The following RETREG3 variants were observed in gnomAD, a reference collection of about 807,000 sequenced individuals.
RETREG3 encodes the protein reticulophagy regulator 3.
RETREG3 carries 23 observed loss-of-function variants against 50.2 expected under a neutral mutation model. The observed-to-expected ratio is 0.46, with a 90% CI of 0.33 to 0.65. The LOEUF (loss-of-function observed/expected upper bound fraction) is 0.65. RETREG3 is among the 30% of genes least tolerant of loss of function. The probability of loss-of-function intolerance (pLI) is 0.02; values close to 1 mark genes in which losing one functional copy is unlikely to be tolerated. For missense variants in RETREG3, 546 were observed against 598.0 expected (o/e 0.91, Z 0.91); for synonymous variants, 240 against 234.4 (o/e 1.02, Z -0.22).
chr17:42,599,006 ATAT>A (rs2093153431), intron 1 of RETREG3: 2 of 152,156 alleles, frequency 1.3e-5, no homozygotes, highest in South Asian at 4.1e-4. Flanking sequence ...GGAGAGCTTA[ATAT>A]CCTTTCCCTA....
intron 5 of RETREG3, among the ~76,000 whole-genome samples, chr17:42,585,685 G>A (rs1379858575): frequency 6.6e-6 from 1 of 152,180 alleles, no homozygotes; most frequent in Admixed American, 6.5e-5. Context: ...CTCCAAGTGG[G>A]AAAAAAGTAC....
At chr17:42,603,850 G>A (rs1393817443) in intron 1 of RETREG3, among the ~76,000 whole-genome samples, 1 of 152,092 alleles carries the variant, frequency 6.6e-6, no homozygotes, top group East Asian at 1.9e-4. Context: ...GGTGGCGGGC[G>A]CCTGTAGTCC....
At chr17:42,603,817 A>G (rs2093162685) in intron 1 of RETREG3, among the ~76,000 whole-genome samples, 1 of 152,184 alleles carries the variant, frequency 6.6e-6, no homozygotes, top group South Asian at 2.1e-4. Context: ...CTCTACTAAA[A>G]ATACAAAAAA....
intron 6 of RETREG3, 78 bp from the exon 7 acceptor site, chr17:42,583,658 C>CA: frequency 7.2e-7 from 1 of 1,384,892 alleles, no homozygotes; most frequent in Non-Finnish European, 1.0e-6. Context: ...GACATAAAAT[C>CA]AGAACACAAA....
rs765265165 is a variant in RETREG3, at chr17:42,582,271, C to G, written c.944-1G>C. On this transcript the variant is annotated splice_acceptor_variant, in intron 8 of 8. Coordinates refer to ENST00000309428, the MANE Select transcript of RETREG3 (RefSeq NM_178126.4). LOFTEE classifies it high-confidence loss of function. ...TCTGGATCACTGTGACCATCTAGGT[C>G]TGGTGGAATACAGAAGTGTCTGAGT... The G allele has an allele frequency of 6.2e-7, 1 of 1,600,572 alleles. No individual in the cohort carries two copies. The highest frequency in any genetic ancestry group is 1.1e-5 in the South Asian group (1 of 90,628).
rs148941750 is a variant in RETREG3, at chr17:42,598,849, T to C, written c.240-6687A>G. Reference sequence around the variant, plus strand: ...AGGTATGTTGAATTGAATTGAAGCATAGCTTATAAGAATGGAAGGTAAGGG... The same window carrying C: ...AGGTATGTTGAATTGAATTGAAGCACAGCTTATAAGAATGGAAGGTAAGGG... On this transcript the variant is annotated intron_variant, in intron 1 of 8. Transcript: ENST00000309428. The C allele has an allele frequency of 6.7e-4, 102 of 152,322 alleles. 2 individuals are homozygous for C. Among genetic ancestry groups the C allele is most frequent in the African/African-American group, 2.4e-3 (100 of 41,570 alleles). The allele number at this position is 152,322 out of a possible 1,614,324, so 9.4% of individuals were successfully genotyped here.
At chr17:42,607,846 T>C (rs2143439599) in intron 1 of RETREG3, among the ~76,000 whole-genome samples, 1 of 150,282 alleles carries the variant, frequency 6.7e-6, no homozygotes, top group Admixed American at 6.6e-5. Context: ...CAAAAATAAA[T>C]GAAGAACGTG....
intron 1 of RETREG3, among the ~76,000 whole-genome samples, chr17:42,596,359 C>CAAAAAAAAAAA (rs60457978): frequency 5.1e-4 from 33 of 64,712 alleles, no homozygotes; most frequent in African/African-American, 8.6e-4. Context: ...GACCCTTTCT[C>CAAAAAAAAAAA]AAAAAAAAAA....
intron 1 of RETREG3, among the ~76,000 whole-genome samples, chr17:42,597,368 T>C (rs566893363): frequency 4.0e-5 from 6 of 149,246 alleles, no homozygotes; most frequent in Admixed American, 6.7e-5. Context: ...TTTGTATTTT[T>C]AGTAGAGACG....
In RETREG3 at chr17:42,580,101, G is replaced by A. The variant is rs1349516948; in HGVS notation, c.*1712C>T. Reference sequence around the variant, plus strand: ...GAGGCTATAGACTGGCACAGGTTTAGAATCAAGTACCATGTTTAGGTTTCT... The same window carrying A: ...GAGGCTATAGACTGGCACAGGTTTAAAATCAAGTACCATGTTTAGGTTTCT... On this transcript the variant is annotated 3_prime_UTR_variant, in exon 9 of 9. Coordinates refer to ENST00000309428, the MANE Select transcript of RETREG3 (RefSeq NM_178126.4). The A allele has an allele frequency of 1.3e-5, 2 of 152,584 alleles. No individual in the cohort carries two copies. The highest frequency in any genetic ancestry group is 2.9e-5 in the Non-Finnish European group (2 of 68,088). The allele number at this position is 152,584 out of a possible 1,614,324, so 9.5% of individuals were successfully genotyped here.
chr17:42,597,976 GTTTTTTTTTTTT>G (rs869196773), intron 1 of RETREG3, among the ~76,000 whole-genome samples: 1 of 95,850 alleles, frequency 1.0e-5, no homozygotes, highest in Non-Finnish European at 2.0e-5. Context: ...TTCCTCTGAA[GTTTTTTTTTTTT>G]TTTTTTTTTT....
In RETREG3 at chr17:42,582,233, G is replaced by A. The variant is rs768675358; in HGVS notation, c.981C>T (p.Ala327=). The change falls in exon 9 of 9, where the codon GCC becomes GCT. Residue 327 remains alanine, a synonymous_variant. Coordinates refer to ENST00000309428, the MANE Select transcript of RETREG3 (RefSeq NM_178126.4). The part of the protein sequence containing the change: ...DGHSDPEESF[A]RDLPDFPSIN... The stretch of plus-strand genomic sequence containing the variant: ...TGGAAGGGAAGTCTGGAAGGTCTCT[G>A]GCAAAGGATTCCTCTGGATCACTGT... 4 of 1,610,684 alleles carry A rather than the reference G, an allele frequency of 2.5e-6. No individual in the cohort carries two copies. The highest frequency in any genetic ancestry group is 3.4e-6 in the Non-Finnish European group (4 of 1,179,952).
In RETREG3 at chr17:42,579,579, T is replaced by A. The variant is rs6963; in HGVS notation, c.*2234A>T. On this transcript the variant is annotated 3_prime_UTR_variant, in exon 9 of 9. Coordinates refer to ENST00000309428, the MANE Select transcript of RETREG3 (RefSeq NM_178126.4). ...CCTCCTCAGTTCACAGTGGAGACTA[T>A]GGAGATTCAGGGCAGGATCCCTCAG... 38,704 of 152,682 alleles carry A rather than the reference T, an allele frequency of 0.25. 5,255 individuals carry two copies. The highest frequency in any genetic ancestry group is 0.48 in the South Asian group (2,307 of 4,820). The allele number at this position is 152,682 out of a possible 1,614,324, so 9.5% of individuals were successfully genotyped here.
In RETREG3 at chr17:42,609,277, C is replaced by T. The variant is rs751474487; in HGVS notation, c.48G>A (p.Gly16=). 3.2e-5 allele frequency: 52 copies of T among 1,604,604 alleles called. No homozygotes were observed. The African/African-American group carries it at 6.3e-4, about 19-fold the overall frequency. ...GVPTTPGPAS[G]STFRGRRDVS... ...CATCTCGGCGGCCCCTGAAAGTCGA[C>T]CCCGAAGCCGGGCCTGGGGTCGTGG... The change falls in exon 1 of 9, where the codon GGG becomes GGA. Residue 16 remains glycine, a synonymous_variant. Coordinates refer to ENST00000309428, the MANE Select transcript of RETREG3 (RefSeq NM_178126.4).
intron 1 of RETREG3, among the ~76,000 whole-genome samples, chr17:42,593,865 T>C (rs2093138252): frequency 6.6e-6 from 1 of 152,028 alleles, no homozygotes; most frequent in African/African-American, 2.4e-5. Context: ...TTCCCTTTTT[T>C]CCCCCTAAGT....
At chr17:42,607,499 CAAAAAAAAA>C (rs34542887) in intron 1 of RETREG3, among the ~76,000 whole-genome samples, 1 of 46,938 alleles carries the variant, frequency 2.1e-5, no homozygotes, top group Non-Finnish European at 3.5e-5. Context: ...GACCTTGTCT[CAAAAAAAAA>C]AAAAAAAAAA....
chr17:42,599,653 CA>C (rs71157649), intron 1 of RETREG3, among the ~76,000 whole-genome samples: 2,056 of 108,324 alleles, frequency 0.019, 20 homozygotes, highest in South Asian at 0.037. Flanking sequence ...GGCTCCGTCT[CA>C]AAAAAAAAAA....
chr17:42,582,620 G>A, intron 8 of RETREG3, 54 bp downstream of exon 8: 2 of 1,609,022 alleles, frequency 1.2e-6, no homozygotes, highest in Non-Finnish European at 1.7e-6. Context: ...GTTCAGGGAA[G>A]CTAAGAGGCA....
intron 1 of RETREG3, among the ~76,000 whole-genome samples, chr17:42,600,766 C>A (rs987093297): frequency 6.6e-6 from 1 of 152,140 alleles, no homozygotes; most frequent in African/African-American, 2.4e-5. Flanking sequence ...ACAGGCTATT[C>A]TCTTCATTAA....
Sources: gnomAD v4.1 joint callset for allele counts (sites outside exome capture counted in the v4.1 genomes callset) on GRCh38, gnomAD v4.1.1 for gene constraint, MANE v1.5 for transcripts, NCBI Gene and HGNC (gene_info 2026-07-23, HGNC 2026-07-21) for gene names.